The following GNAO1 variants were observed in gnomAD, a reference collection of about 807,000 sequenced individuals.
The protein encoded by GNAO1 is G protein subunit alpha o1, also known as guanine nucleotide-binding protein G(o) subunit alpha.
For missense variants in GNAO1, 166 were observed against 478.7 expected, an observed-to-expected ratio of 0.35 and a Z score of 6.10; for synonymous variants, 164 against 180.7, an observed-to-expected ratio of 0.91 and a Z score of 0.74.
intron 6 of GNAO1, among the ~76,000 whole-genome samples, chr16:56,338,133 A>G (rs1381848581): frequency 6.6e-6 from 1 of 152,052 alleles, no homozygotes; most frequent in African/African-American, 2.4e-5. Flanking sequence ...GCACAGTGCT[A>G]TAGGGAGGAG....
chr16:56,225,094 C>T (rs1350253285), intron 2 of GNAO1, among the ~76,000 whole-genome samples: 1 of 152,206 alleles, frequency 6.6e-6, no homozygotes, highest in Non-Finnish European at 1.5e-5. Context: ...AGTAACTTTG[C>T]TGTGCTAGGC....
intron 2 of GNAO1, among the ~76,000 whole-genome samples, chr16:56,200,785 G>C (rs1182295666): frequency 6.6e-6 from 1 of 152,150 alleles, no homozygotes; most frequent in Non-Finnish European, 1.5e-5. Flanking sequence ...TTCTGGAGGT[G>C]GTAGTAATGG....
At chr16:56,213,720 A>G (rs1311779148) in intron 2 of GNAO1, among the ~76,000 whole-genome samples, 4 of 152,182 alleles carry the variant, frequency 2.6e-5, no homozygotes, top group Non-Finnish European at 4.4e-5. Context: ...GGAGCCAGCC[A>G]TGTGCACTTG....
At chr16:56,342,571 AAGGCAGCATGTGAGCC>A (rs2037816344) in intron 6 of GNAO1, among the ~76,000 whole-genome samples, 2 of 152,362 alleles carry the variant, frequency 1.3e-5, no homozygotes, top group South Asian at 4.1e-4. Context: ...CCCCCTGAGG[AAGGCAGCATGTGAGCC>A]AGGCGGTTGT....
chr16:56,299,951 CT>C (rs1398593886), intron 3 of GNAO1, among the ~76,000 whole-genome samples: 1 of 151,846 alleles, frequency 6.6e-6, no homozygotes, highest in Non-Finnish European at 1.5e-5. Flanking sequence ...AATTGGCCAG[CT>C]TCCTAACCTG....
At position 56,321,170 on chromosome 16, in the gene GNAO1, C is replaced by T. The variant is rs572828285; in HGVS notation, c.304-7461C>T. Reference sequence around the variant, plus strand: ...GAGGTAGGCCACACATTAGCCTTGGCCGACTAGGGGGCATAATAGGACTAT... The same window carrying T: ...GAGGTAGGCCACACATTAGCCTTGGTCGACTAGGGGGCATAATAGGACTAT... On this transcript the variant is annotated intron_variant, in intron 3 of 8. Coordinates refer to ENST00000262493, the MANE Select transcript of GNAO1 (RefSeq NM_020988.3). Among the ~76,000 whole-genome samples the T allele has an allele frequency of 3.3e-4, 51 of 152,244 alleles. 1 individual carries two copies. The South Asian group carries it at 6.4e-3, about 19-fold the overall frequency.
chr16:56,300,265 C>T lies in GNAO1; in HGVS notation c.303+24193C>T, dbSNP rs909859888. Among the ~76,000 whole-genome samples, 24 of 152,208 alleles carry T rather than the reference C, an allele frequency of 1.6e-4. No individual in the cohort carries two copies. In the East Asian group the frequency reaches 3.9e-3, roughly 24 times the overall value. On this transcript the variant is annotated intron_variant, in intron 3 of 8. Transcript: ENST00000262493. ...TGAGGCCTCTGAGCAGGATAATTCT[C>T]ATAGAATTTAGAGTTGAGAAAAGAG...
At chr16:56,309,870 A>G (rs1433119613) in intron 3 of GNAO1, among the ~76,000 whole-genome samples, 1 of 152,228 alleles carries the variant, frequency 6.6e-6, no homozygotes, top group African/African-American at 2.4e-5. Context: ...ATGGATTAAC[A>G]TGTTGATTTT....
At chr16:56,297,502 C>T (rs895275624) in intron 3 of GNAO1, among the ~76,000 whole-genome samples, 7 of 147,664 alleles carry the variant, frequency 4.7e-5, no homozygotes, top group South Asian at 4.3e-4. Context: ...ATGGACACTG[C>T]GCACCTGTTT....
chr16:56,315,952 G>T (rs144830331), intron 3 of GNAO1, among the ~76,000 whole-genome samples: 3 of 152,116 alleles, frequency 2.0e-5, no homozygotes, highest in Non-Finnish European at 4.4e-5. Flanking sequence ...CCAGCTACTC[G>T]GGAGGCTGAG....
At chr16:56,272,136 C>T (rs551400976) in intron 2 of GNAO1, among the ~76,000 whole-genome samples, 3 of 151,958 alleles carry the variant, frequency 2.0e-5, no homozygotes, top group African/African-American at 4.8e-5. Flanking sequence ...GGTGAAACCC[C>T]GTCTCTACTA....
intron 6 of GNAO1, chr16:56,344,368 A>G: frequency 9.7e-7 from 1 of 1,030,896 alleles, no homozygotes; most frequent in Non-Finnish European, 1.2e-6. Context: ...GTGGGGTCAT[A>G]GGAGCCATCC....
chr16:56,243,832 A>G (rs773157874), intron 2 of GNAO1, among the ~76,000 whole-genome samples: 14 of 152,208 alleles, frequency 9.2e-5, no homozygotes, highest in Non-Finnish European at 1.3e-4. Flanking sequence ...TGTTGAAAAC[A>G]TTTATTGAGC....
At chr16:56,271,643 C>T (rs971143229) in intron 2 of GNAO1, among the ~76,000 whole-genome samples, 7 of 151,998 alleles carry the variant, frequency 4.6e-5, no homozygotes, top group Admixed American at 3.9e-4. Context: ...TCAGTAGAGA[C>T]GGGGTTTCAC....
chr16:56,338,148 C>T (rs2037761082), intron 6 of GNAO1, among the ~76,000 whole-genome samples: 2 of 152,250 alleles, frequency 1.3e-5, no homozygotes, highest in South Asian at 2.1e-4. Context: ...GAGGAGGAGC[C>T]GCCGCCCTGA....
intron 2 of GNAO1, among the ~76,000 whole-genome samples, chr16:56,249,345 G>A (rs1028277266): frequency 7.2e-5 from 11 of 152,316 alleles, no homozygotes; most frequent in African/African-American, 2.4e-4. Flanking sequence ...CTACGACACC[G>A]TTTCCTTCAG....
chr16:56,211,757 C>T (rs2036390739), intron 2 of GNAO1, among the ~76,000 whole-genome samples: 1 of 152,168 alleles, frequency 6.6e-6, no homozygotes, highest in South Asian at 2.1e-4. Context: ...GCAGTGCTTC[C>T]CAGCACCCCC....
At chr16:56,258,840 A>G (rs1183724460) in intron 2 of GNAO1, among the ~76,000 whole-genome samples, 1 of 152,200 alleles carries the variant, frequency 6.6e-6, no homozygotes, top group Non-Finnish European at 1.5e-5. Flanking sequence ...GGGTGGGAGT[A>G]GGCAGGAGAA....
intron 3 of GNAO1, among the ~76,000 whole-genome samples, chr16:56,303,931 G>A (rs2037368094): frequency 6.6e-6 from 1 of 152,170 alleles, no homozygotes; most frequent in Non-Finnish European, 1.5e-5. Context: ...AAAGGGCACT[G>A]AAGAGCCACA....
Sources: gnomAD v4.1 joint callset for allele counts (sites outside exome capture counted in the v4.1 genomes callset) on GRCh38, gnomAD v4.1.1 for gene constraint, MANE v1.5 for transcripts, NCBI Gene and HGNC (gene_info 2026-07-23, HGNC 2026-07-21) for gene names.